Variants in ZNF804A observed in about 807,000 individuals in gnomAD.
The protein encoded by ZNF804A is zinc finger protein 804A.
ZNF804A carries 2 observed loss-of-function variants against 16.5 expected under a neutral mutation model. The ratio of observed to expected loss-of-function variants is 0.12; its 90% CI spans 0.05 to 0.38. ZNF804A has a LOEUF of 0.38. Among genes scored for constraint, ZNF804A ranks in the 10% least tolerant of loss-of-function variants. The probability of loss-of-function intolerance (pLI) is 0.99; values close to 1 mark genes in which losing one functional copy is unlikely to be tolerated. For missense variants in ZNF804A, 1,473 were observed against 1,390.7 expected (o/e 1.06, Z -0.94); for synonymous variants, 534 against 489.6 (o/e 1.09, Z -1.20).
At chr2:184,727,943 G>A (rs1199659378) in intron 1 of ZNF804A, among the ~76,000 whole-genome samples, 1 of 151,620 alleles carries the variant, frequency 6.6e-6, no homozygotes, top group Non-Finnish European at 1.5e-5. Flanking sequence ...ACTGGTAAAT[G>A]GCAAACACGG....
chr2:184,783,449 A>T (rs1365149543), intron 1 of ZNF804A, among the ~76,000 whole-genome samples: 1 of 151,894 alleles, frequency 6.6e-6, no homozygotes, highest in African/African-American at 2.4e-5. Flanking sequence ...GTACTGAATA[A>T]TCATTACAAA....
chr2:184,882,224 T>C (rs1434707624), intron 2 of ZNF804A, among the ~76,000 whole-genome samples: 3 of 151,934 alleles, frequency 2.0e-5, no homozygotes, highest in Admixed American at 6.6e-5. Flanking sequence ...ATAGAGCTCA[T>C]ATCAACAAGA....
chr2:184,880,612 A>T (rs1241153353), intron 2 of ZNF804A, among the ~76,000 whole-genome samples: 2 of 151,818 alleles, frequency 1.3e-5, no homozygotes, highest in East Asian at 1.9e-4. Flanking sequence ...TTTTTTTGAG[A>T]TCTCATGTTT....
intron 1 of ZNF804A, among the ~76,000 whole-genome samples, chr2:184,824,815 T>C (rs1376159816): frequency 6.6e-6 from 1 of 152,134 alleles, no homozygotes; most frequent in African/African-American, 2.4e-5. Context: ...ATGCTGGGAC[T>C]GGCAGCCAGG....
At chr2:184,789,867 C>A (rs1322203526) in intron 1 of ZNF804A, among the ~76,000 whole-genome samples, 1 of 151,776 alleles carries the variant, frequency 6.6e-6, no homozygotes, top group African/African-American at 2.4e-5. Context: ...CTTCTGCTAG[C>A]TTTGGGGTTG....
intron 1 of ZNF804A, among the ~76,000 whole-genome samples, chr2:184,804,225 A>T (rs905699429): frequency 1.3e-5 from 2 of 152,064 alleles, no homozygotes; most frequent in Non-Finnish European, 2.9e-5. Context: ...GTAATCCCAG[A>T]TTATCTTGAT....
intron 1 of ZNF804A, among the ~76,000 whole-genome samples, chr2:184,727,145 A>G (rs1181838299): frequency 6.6e-6 from 1 of 151,570 alleles, no homozygotes; most frequent in Non-Finnish European, 1.5e-5. Context: ...TTAGGGTCTT[A>G]TTAAAAATGC....
intron 1 of ZNF804A, among the ~76,000 whole-genome samples, chr2:184,774,178 T>C (rs1484412456): frequency 6.6e-6 from 1 of 151,874 alleles, no homozygotes; most frequent in Non-Finnish European, 1.5e-5. Flanking sequence ...TAAAACTTAT[T>C]CTATGGCTTT....
chr2:184,938,643 C>A lies in ZNF804A; in HGVS notation c.3247C>A (p.Pro1083Thr), dbSNP rs760547302. Residue 1083 changes from proline (P) to threonine (T), a missense_variant, in exon 4 of 4, where the codon CCT becomes ACT. Coordinates refer to ENST00000302277, the MANE Select transcript of ZNF804A (RefSeq NM_194250.2). ...CCCACCCCCTAGCACACCTCTGCAG[C>A]CTTTGCCTTTGCAGCAGTCCTTATG... ...ALPPPSTPLQPLPLQQSLCST... is the reference protein window; with the variant it reads ...ALPPPSTPLQTLPLQQSLCST... The A allele has an allele frequency of 3.7e-6, 6 of 1,614,010 alleles. No individual in the cohort carries two copies. The East Asian group carries it at 1.1e-4, about 30-fold the overall frequency.
At chr2:184,736,903 A>G (rs980538932) in intron 1 of ZNF804A, among the ~76,000 whole-genome samples, 4 of 149,156 alleles carry the variant, frequency 2.7e-5, no homozygotes, top group African/African-American at 9.9e-5. Flanking sequence ...GACTTCCAGT[A>G]CTATACTAAA....
rs144471661 is a variant in ZNF804A at position 184,935,256 on chromosome 2, T to C, written c.387-527T>C. ...CAAAGCTCTCATAAAGCTAGTACTA[T>C]CTCTTAGTTACCTTTGCCCATACCA... is the stretch of plus-strand genomic sequence containing the variant. On this transcript the variant is annotated intron_variant, in intron 3 of 3. Transcript: ENST00000302277. 2.5e-3 allele frequency among the ~76,000 whole-genome samples: 383 copies of C among 152,316 alleles called. 6 individuals carry two copies. The highest frequency in any genetic ancestry group is 8.6e-3 in the African/African-American group (359 of 41,582).
At chr2:184,895,367 T>C (rs1011257443) in intron 2 of ZNF804A, among the ~76,000 whole-genome samples, 3 of 152,174 alleles carry the variant, frequency 2.0e-5, no homozygotes, top group African/African-American at 7.2e-5. Flanking sequence ...ATATGAATCT[T>C]TAAGAAGCAT....
Position 184,939,258 on chromosome 2 carries a change from C to G in ZNF804A, c.*232C>G, listed in dbSNP as rs1343806467. 1 of 447,524 alleles carries G rather than the reference C, an allele frequency of 2.2e-6. No homozygotes were observed. The highest frequency in any genetic ancestry group is 4.0e-6 in the Non-Finnish European group (1 of 253,062). The allele number at this position is 447,524 out of a possible 1,614,324, so 27.7% of individuals were successfully genotyped here. On this transcript the variant is annotated 3_prime_UTR_variant, in exon 4 of 4. Coordinates refer to ENST00000302277, the MANE Select transcript of ZNF804A (RefSeq NM_194250.2). ...AGTTTGAAAATCAATACAATATATG[C>G]TATATATTAAAATGATGTCTTAAGA...
intron 1 of ZNF804A, among the ~76,000 whole-genome samples, chr2:184,675,447 T>G (rs1380381474): frequency 6.6e-6 from 1 of 151,818 alleles, no homozygotes; most frequent in African/African-American, 2.4e-5. Flanking sequence ...ATATATTTTA[T>G]TTAATTTTCT....
intron 2 of ZNF804A, among the ~76,000 whole-genome samples, chr2:184,869,516 T>C (rs1299762684): frequency 1.3e-5 from 2 of 152,032 alleles, no homozygotes; most frequent in African/African-American, 2.4e-5. Flanking sequence ...CTCAACTGTC[T>C]ATTATTAGGG....
At position 184,764,563 on chromosome 2, in the gene ZNF804A, C is replaced by T. The variant is rs564783035; in HGVS notation, c.112-101806C>T. 1.1e-4 allele frequency among the ~76,000 whole-genome samples: 17 copies of T among 152,176 alleles called. No individual in the cohort carries two copies. The South Asian group carries it at 2.7e-3, about 24-fold the overall frequency. ...CCCTTCTGTGACACCTAGGGCAGACCGTCATTAGCCATACACTGTGTAATC... is the reference window on the plus strand; with the variant it reads ...CCCTTCTGTGACACCTAGGGCAGACTGTCATTAGCCATACACTGTGTAATC... On this transcript the variant is annotated intron_variant, in intron 1 of 3. Transcript: ENST00000302277.
chr2:184,770,519 C>T (rs1291775248), intron 1 of ZNF804A, among the ~76,000 whole-genome samples: 2 of 151,986 alleles, frequency 1.3e-5, no homozygotes, highest in South Asian at 2.1e-4. Context: ...GAGTAGTTTA[C>T]TCATTTAGCA....
chr2:184,868,818 G>A (rs915658501), intron 2 of ZNF804A, among the ~76,000 whole-genome samples: 1 of 151,872 alleles, frequency 6.6e-6, no homozygotes, highest in African/African-American at 2.4e-5. Flanking sequence ...CAAAGCAAAT[G>A]AGCAAATAAA....
At chr2:184,807,955 A>G (rs187767231) in intron 1 of ZNF804A, among the ~76,000 whole-genome samples, 6 of 151,794 alleles carry the variant, frequency 4.0e-5, no homozygotes, top group Admixed American at 3.9e-4. Context: ...TTGGTTCTGA[A>G]CCGTAATCAT....
Sources: gnomAD v4.1 joint callset for allele counts (sites outside exome capture counted in the v4.1 genomes callset) on GRCh38, gnomAD v4.1.1 for gene constraint, MANE v1.5 for transcripts, NCBI Gene and HGNC (gene_info 2026-07-23, HGNC 2026-07-21) for gene names.